The following RIPK2 variants were observed in gnomAD, a reference collection of about 807,000 sequenced individuals.
RIPK2 encodes the protein receptor-interacting serine/threonine-protein kinase 2.
A neutral mutation model predicts 60.9 loss-of-function variants in RIPK2; 38 were observed. The ratio of observed to expected loss-of-function variants is 0.62; its 90% CI spans 0.48 to 0.82. RIPK2 has a LOEUF of 0.82. Among genes scored for constraint, RIPK2 ranks in the 40% least tolerant of loss-of-function variants. The pLI, the probability that RIPK2 is intolerant of heterozygous loss-of-function variation, is 0.00. For missense variants in RIPK2, 518 were observed against 647.0 expected (o/e 0.80, Z 2.16); for synonymous variants, 225 against 223.4 (o/e 1.01, Z -0.06).
At chr8:89,780,295 T>C (rs1415818589) in intron 7 of RIPK2, 135 bp downstream of exon 7, 5 of 460,330 alleles carry the variant, frequency 1.1e-5, no homozygotes, top group Non-Finnish European at 1.9e-5. Flanking sequence ...AGTGAGAAAA[T>C]TTACCAGAGA....
At chr8:89,770,367 G>T (rs1809292901) in intron 4 of RIPK2, among the ~76,000 whole-genome samples, 1 of 151,684 alleles carries the variant, frequency 6.6e-6, no homozygotes, top group Admixed American at 6.6e-5. Context: ...CCTAATATTT[G>T]TATATGTGTG....
At chr8:89,775,894 T>C (rs1472187372) in intron 6 of RIPK2, among the ~76,000 whole-genome samples, 6 of 152,156 alleles carry the variant, frequency 3.9e-5, no homozygotes, top group Admixed American at 6.5e-5. Context: ...CCTTTCTAAG[T>C]TCAGAATATA....
chr8:89,777,872 C>G (rs1809425282), intron 6 of RIPK2, among the ~76,000 whole-genome samples: 1 of 151,448 alleles, frequency 6.6e-6, no homozygotes, highest in South Asian at 2.1e-4. Context: ...ATTCTGGGAA[C>G]CTGAAAGGGA....
chr8:89,774,043 C>G (rs538230082), intron 6 of RIPK2, among the ~76,000 whole-genome samples: 1 of 151,898 alleles, frequency 6.6e-6, no homozygotes, highest in South Asian at 2.1e-4. Context: ...TGTGATCGTG[C>G]CTATGAATAG....
chr8:89,786,316 A>G (rs1463958026), intron 8 of RIPK2, among the ~76,000 whole-genome samples: 1 of 152,040 alleles, frequency 6.6e-6, no homozygotes, highest in Non-Finnish European at 1.5e-5. Context: ...TCTACGAAAG[A>G]TACAAAATTT....
intron 7 of RIPK2, among the ~76,000 whole-genome samples, chr8:89,782,738 T>A (rs576830227): frequency 6.6e-6 from 1 of 152,300 alleles, no homozygotes; most frequent in South Asian, 2.1e-4. Context: ...GCTCCCGTAA[T>A]TTATGTTTTC....
chr8:89,768,384 A>T (rs1809262090), intron 3 of RIPK2, among the ~76,000 whole-genome samples: 1 of 151,626 alleles, frequency 6.6e-6, no homozygotes, highest in South Asian at 2.1e-4. Flanking sequence ...TAATTAGCTA[A>T]TTTTTTGTAT....
At chr8:89,779,315 T>G (rs1281812906) in intron 6 of RIPK2, among the ~76,000 whole-genome samples, 2 of 125,444 alleles carry the variant, frequency 1.6e-5, no homozygotes, top group African/African-American at 6.3e-5. Context: ...TTTGGGTTTT[T>G]TTTTTTTTTT....
intron 3 of RIPK2, among the ~76,000 whole-genome samples, chr8:89,766,031 C>T (rs925044191): frequency 6.6e-6 from 1 of 151,834 alleles, no homozygotes; most frequent in Non-Finnish European, 1.5e-5. Flanking sequence ...CCCCTAACAA[C>T]CACTAATCTG....
rs117515336 is a variant in RIPK2, at chr8:89,784,790, T to C, written c.1029+651T>C. Among the ~76,000 whole-genome samples, 77 of 152,128 alleles carry C rather than the reference T, an allele frequency of 5.1e-4. 1 individual carries two copies. The East Asian group carries it at 0.015, about 29-fold the overall frequency. On this transcript the variant is annotated intron_variant, in intron 8 of 10. Transcript: ENST00000220751. ...GTAGGTAATTTATAAAGAAAAGAGG[T>C]TTATTTGGCTCACAATTCTGGTAGC... is the stretch of plus-strand genomic sequence containing the variant.
chr8:89,781,852 C>T (rs946219922), intron 7 of RIPK2, among the ~76,000 whole-genome samples: 2 of 152,082 alleles, frequency 1.3e-5, no homozygotes, highest in African/African-American at 4.8e-5. Flanking sequence ...TTAACAATAA[C>T]CGATAATAAA....
chr8:89,773,202 C>G (rs980233675), intron 6 of RIPK2, among the ~76,000 whole-genome samples: 1 of 151,952 alleles, frequency 6.6e-6, no homozygotes, highest in Non-Finnish European at 1.5e-5. Flanking sequence ...AATAAATAAG[C>G]AAGATACACA....
At chr8:89,771,441 A>G (rs1809309437) in intron 4 of RIPK2, among the ~76,000 whole-genome samples, 1 of 151,936 alleles carries the variant, frequency 6.6e-6, no homozygotes, top group African/African-American at 2.4e-5. Context: ...GAAAAATAAT[A>G]TCATTTAATT....
intron 3 of RIPK2, among the ~76,000 whole-genome samples, chr8:89,767,025 T>G (rs39762): frequency 6.6e-6 from 1 of 151,536 alleles, no homozygotes; most frequent in Admixed American, 6.6e-5. Flanking sequence ...ATATTTTTTC[T>G]TCTATGGATC....
chr8:89,781,122 T>C (rs1037162223), intron 7 of RIPK2, among the ~76,000 whole-genome samples: 1 of 151,834 alleles, frequency 6.6e-6, no homozygotes, highest in African/African-American at 2.4e-5. Context: ...ACTCTTGGGG[T>C]GTGAACAAGC....
intron 3 of RIPK2, among the ~76,000 whole-genome samples, chr8:89,766,369 T>C (rs1292746353): frequency 1.3e-5 from 2 of 151,758 alleles, no homozygotes; most frequent in Non-Finnish European, 3.0e-5. Flanking sequence ...TGCTGGGTCA[T>C]ATGGTAAGGG....
chr8:89,770,346 T>C (rs910997365), intron 4 of RIPK2, among the ~76,000 whole-genome samples: 22 of 151,896 alleles, frequency 1.4e-4, no homozygotes, highest in African/African-American at 5.3e-4. Context: ...GATATTTCTA[T>C]TTAAAGAATC....
At chr8:89,789,544 G>A in intron 10 of RIPK2, 62 bp downstream of exon 10, 2 of 1,465,206 alleles carry the variant, frequency 1.4e-6, no homozygotes, top group Non-Finnish European at 1.9e-6. Context: ...TCTGTGTTCA[G>A]TGGATTTACC....
intron 3 of RIPK2, among the ~76,000 whole-genome samples, chr8:89,769,405 G>A (rs1246557065): frequency 5.3e-5 from 8 of 151,822 alleles, no homozygotes; most frequent in East Asian, 3.9e-4. Context: ...TGGCAGCTCT[G>A]TGAGATGTAG....
Sources: gnomAD v4.1 joint callset for allele counts (sites outside exome capture counted in the v4.1 genomes callset) on GRCh38, gnomAD v4.1.1 for gene constraint, MANE v1.5 for transcripts, NCBI Gene and HGNC (gene_info 2026-07-23, HGNC 2026-07-21) for gene names.